The following SMARCAL1 variants were observed in gnomAD, a reference collection of about 807,000 sequenced individuals.
The protein encoded by SMARCAL1 is SNF2 related chromatin remodeling annealing helicase 1.
A neutral mutation model predicts 94.5 loss-of-function variants in SMARCAL1; 58 were observed. That is an observed-to-expected ratio of 0.61 (90% confidence interval 0.50 to 0.76). SMARCAL1 has a LOEUF of 0.76. SMARCAL1 is among the 30% of genes least tolerant of loss of function. SMARCAL1 has a pLI of 0.00. For synonymous variants in SMARCAL1, 422 were observed against 455.1 expected, an observed-to-expected ratio of 0.93 and a Z score of 0.93; for missense variants, 1,051 against 1,177.9, an observed-to-expected ratio of 0.89 and a Z score of 1.58.
intron 14 of SMARCAL1, among the ~76,000 whole-genome samples, chr2:216,474,125 ATTC>A (rs1196373857): frequency 8.1e-6 from 1 of 123,888 alleles, no homozygotes; most frequent in African/African-American, 3.3e-5. Flanking sequence ...TTTGTATAGC[ATTC>A]TTTTTTTTTT....
At chr2:216,432,165 G>A (rs970144913) in intron 7 of SMARCAL1, among the ~76,000 whole-genome samples, 2 of 152,020 alleles carry the variant, frequency 1.3e-5, no homozygotes, top group African/African-American at 2.4e-5. Context: ...GGGACTACGG[G>A]CATGTGCCTG....
chr2:216,428,791 T>C lies in SMARCAL1; in HGVS notation c.1334+9T>C. 6.2e-7 allele frequency: 1 copy of C among 1,612,226 alleles called. No homozygotes were observed. The highest frequency in any genetic ancestry group is 8.5e-7 in the Non-Finnish European group (1 of 1,178,260). On this transcript the variant is annotated intron_variant, in intron 7 of 17. Transcript: ENST00000357276. ...CAGAGAGCTGGAGTCAAGTAGGTTC[T>C]TGATCTTCCTCTCTCTTCCTCTGTT...
rs55763206 is a variant in SMARCAL1, at chr2:216,470,838, C to CAAA, written c.2244+2818_2244+2820dup. 4.4e-4 allele frequency among the ~76,000 whole-genome samples: 21 copies of CAAA among 48,072 alleles called. 1 individual carries two copies. The highest frequency in any genetic ancestry group is 1.9e-3 in the South Asian group (2 of 1,032). The allele number at this position is 48,072 out of a possible 152,430, so 31.5% of individuals were successfully genotyped here. ...TATACTGTTACTCCCAAGAACATCT[C>CAAA]AAAAAAAAAAAAAAAAAAAAAAAAA... On this transcript the variant is annotated intron_variant, in intron 14 of 17. Transcript: ENST00000357276.
At chr2:216,429,729 C>T (rs886309851) in intron 7 of SMARCAL1, among the ~76,000 whole-genome samples, 2 of 151,620 alleles carry the variant, frequency 1.3e-5, no homozygotes, top group African/African-American at 4.9e-5. Flanking sequence ...GCTTGGCTAC[C>T]GTCTCTGGCA....
At chr2:216,447,510 A>G (rs1009304617) in intron 11 of SMARCAL1, among the ~76,000 whole-genome samples, 4 of 152,110 alleles carry the variant, frequency 2.6e-5, no homozygotes, top group African/African-American at 9.7e-5. Context: ...ATAAAAGGAA[A>G]GTCCTTGTCA....
At position 216,447,087 on chromosome 2, in the gene SMARCAL1, A is replaced by T; in HGVS notation, c.1780A>T (p.Ile594Phe). Residue 594 changes from isoleucine (I) to phenylalanine (F), a missense_variant, in exon 11 of 18, where the codon ATC becomes TTC. Ile to Phe is a conservative substitution (Grantham distance 21). Around this residue, in one of 3 missense-constraint regions of SMARCAL1, gnomAD observed 642 missense variants for 754.7 expected, o/e 0.85. Transcript: ENST00000357276. ...MSRPAELYTQ[I>F]IAVKPTFFPQ... The stretch of plus-strand genomic sequence containing the variant: ...CCGGCCCGCAGAGCTCTACACGCAG[A>T]TCATCGCAGTCAAGCCAACTTTCTT... The T allele has an allele frequency of 6.2e-7, 1 of 1,614,036 alleles. No individual in the cohort carries two copies. Among genetic ancestry groups the T allele is most frequent in the South Asian group, 1.1e-5 (1 of 91,082 alleles).
At position 216,470,741 on chromosome 2, in the gene SMARCAL1, C is replaced by G. The variant is rs1277988014; in HGVS notation, c.2244+2695C>G. ...GCTCAAGCAATTCTTTTGCCTCAGC[C>G]TACCAAAGTGCTGGGATTACAGGCA... On this transcript the variant is annotated intron_variant, in intron 14 of 17. Transcript: ENST00000357276. 2.7e-5 allele frequency among the ~76,000 whole-genome samples: 4 copies of G among 150,652 alleles called. No individual in the cohort carries two copies. The South Asian group carries it at 8.3e-4, about 31-fold the overall frequency.
At chr2:216,447,671 A>C (rs1219184042) in intron 11 of SMARCAL1, among the ~76,000 whole-genome samples, 2 of 12,520 alleles carry the variant, frequency 1.6e-4, no homozygotes, top group African/African-American at 3.1e-3. Flanking sequence ...TCCCTGTGCA[A>C]AAAAAAAAGA....
chr2:216,414,217 G>T, intron 2 of SMARCAL1: 1 of 155,686 alleles, frequency 6.4e-6, no homozygotes, highest in Non-Finnish European at 1.4e-5. Context: ...GAGTGCGGTG[G>T]CACGATCTTG....
chr2:216,444,680 G>T (rs1251918033), intron 10 of SMARCAL1, among the ~76,000 whole-genome samples: 1 of 152,100 alleles, frequency 6.6e-6, no homozygotes, highest in African/African-American at 2.4e-5. Context: ...ACTGCACCTG[G>T]CTAATTTTGT....
At chr2:216,459,370 T>C (rs2106066008) in intron 12 of SMARCAL1, among the ~76,000 whole-genome samples, 1 of 152,336 alleles carries the variant, frequency 6.6e-6, no homozygotes, top group African/African-American at 2.4e-5. Flanking sequence ...AGAGCCCACA[T>C]TGCCAAGTCA....
chr2:216,423,867 A>G (rs999305642), intron 6 of SMARCAL1, among the ~76,000 whole-genome samples, 184 bp downstream of exon 6: 1 of 152,194 alleles, frequency 6.6e-6, no homozygotes, highest in South Asian at 2.1e-4. Flanking sequence ...GCTTTATGAC[A>G]GCCCAGACAA....
In SMARCAL1 at chr2:216,468,054, C is replaced by T; in HGVS notation, c.2244+8C>T. The T allele has an allele frequency of 6.3e-7, 1 of 1,595,856 alleles. No individual in the cohort carries two copies. Among genetic ancestry groups the T allele is most frequent in the East Asian group, 2.2e-5 (1 of 44,814 alleles). On this transcript the variant is annotated splice_region_variant and intron_variant, in intron 14 of 17. Coordinates refer to ENST00000357276, the MANE Select transcript of SMARCAL1 (RefSeq NM_014140.4). ...CAAGAGCTTGAGAGAAAGGTGAGCT[C>T]CCTTTGAAATTCACCATGGGCTACT...
chr2:216,457,132 GA>G (rs1694584897), intron 12 of SMARCAL1, among the ~76,000 whole-genome samples: 1 of 147,386 alleles, frequency 6.8e-6, no homozygotes, highest in Non-Finnish European at 1.5e-5. Flanking sequence ...TCAACAAGAA[GA>G]GCTAACTATC....
chr2:216,471,886 T>C (rs1161780949), intron 14 of SMARCAL1, among the ~76,000 whole-genome samples: 2 of 152,216 alleles, frequency 1.3e-5, no homozygotes, highest in Non-Finnish European at 2.9e-5. Context: ...TATAGTCCAT[T>C]CAGCCATAAA....
Position 216,442,646 on chromosome 2 carries a change from C to T in SMARCAL1, c.1710+4161C>T, listed in dbSNP as rs570230330. Among the ~76,000 whole-genome samples, 192 of 152,256 alleles carry T rather than the reference C, an allele frequency of 1.3e-3. 1 individual carries two copies. Among genetic ancestry groups the T allele is most frequent in the African/African-American group, 4.2e-3 (174 of 41,528 alleles). On this transcript the variant is annotated intron_variant, in intron 10 of 17. Coordinates refer to ENST00000357276, the MANE Select transcript of SMARCAL1 (RefSeq NM_014140.4). ...TTTACAACCATTGTTTTACACTTGC[C>T]TTTATCCCCTTAATAATGTATCTTG...
intron 13 of SMARCAL1, among the ~76,000 whole-genome samples, chr2:216,465,758 G>A (rs751214672): frequency 2.0e-5 from 3 of 151,998 alleles, no homozygotes; most frequent in Non-Finnish European, 4.4e-5. Flanking sequence ...AAATTACAAT[G>A]AGAATGGATT....
rs1354226516 is a variant in SMARCAL1 at position 216,475,471 on chromosome 2, CAG to C, written c.2427+22_2427+23del. 2 of 1,612,846 alleles carry C rather than the reference CAG, an allele frequency of 1.2e-6. No individual in the cohort carries two copies. The highest frequency in any genetic ancestry group is 3.3e-5 in the Admixed American group (2 of 59,996). On this transcript the variant is annotated intron_variant, in intron 15 of 17. Transcript: ENST00000357276. This position sits in a 1 kb window ranked among gnomAD's most constrained non-coding sequence, Gnocchi z 4.4. Reference sequence around the variant, plus strand: ...CCAGGGGTAAGAGACGCAGAAGACTCAGATACTCCCCAGGCATGCTCATGGCT... The same window carrying C: ...CCAGGGGTAAGAGACGCAGAAGACTCATACTCCCCAGGCATGCTCATGGCT...
chr2:216,447,373 TG>T (rs1334977628), intron 11 of SMARCAL1, among the ~76,000 whole-genome samples: 2 of 152,132 alleles, frequency 1.3e-5, no homozygotes, highest in Non-Finnish European at 1.5e-5. Flanking sequence ...TTAATGGTTA[TG>T]GTTATCCGAA....
Sources: gnomAD v4.1 joint callset for allele counts (sites outside exome capture counted in the v4.1 genomes callset) on GRCh38, gnomAD v4.1.1 for gene constraint, gnomAD v4.1.1 regional missense constraint, Gnocchi (gnomAD v3.1) non-coding constraint, MANE v1.5 for transcripts, NCBI Gene and HGNC (gene_info 2026-07-23, HGNC 2026-07-21) for gene names.